CCDC3: variants seen among roughly 807,000 people sequenced by gnomAD.
CCDC3 encodes the protein coiled-coil domain-containing protein 3.
In CCDC3, 24 loss-of-function variants were observed where a neutral mutation model predicts 21.4. That is an observed-to-expected ratio of 1.12 (90% CI 0.81 to 1.58). The LOEUF is 1.58. Among genes scored for constraint, CCDC3 ranks in the 40% most tolerant of loss-of-function variants. The probability of loss-of-function intolerance (pLI) is 0.00; values close to 1 mark genes in which losing one functional copy is unlikely to be tolerated. For synonymous variants in CCDC3, 186 were observed against 166.0 expected (o/e 1.12, Z -0.93); for missense variants, 425 against 360.9 (o/e 1.18, Z -1.44).
chr10:13,097,975 A>T (rs1486422775), intron 3 of CCDC3, among the ~76,000 whole-genome samples: 3 of 152,174 alleles, frequency 2.0e-5, no homozygotes, highest in Non-Finnish European at 4.4e-5. Context: ...GGTCCTTAGA[A>T]CTTTCTGGAT....
chr10:13,024,851 C>T (rs988718178), intron 5 of CCDC3, among the ~76,000 whole-genome samples: 6 of 152,182 alleles, frequency 3.9e-5, no homozygotes, highest in African/African-American at 1.4e-4. Flanking sequence ...TCTGCCAATA[C>T]ATAACTTGGG....
At chr10:12,937,823 G>A (rs1486602901) in intron 2 of CCDC3, among the ~76,000 whole-genome samples, 1 of 152,160 alleles carries the variant, frequency 6.6e-6, no homozygotes, top group East Asian at 1.9e-4. Flanking sequence ...CCTTACAAGA[G>A]TACTTCTCCA....
intron 5 of CCDC3, among the ~76,000 whole-genome samples, chr10:13,010,241 C>A (rs1050499050): frequency 1.3e-5 from 2 of 150,654 alleles, no homozygotes; most frequent in Non-Finnish European, 2.9e-5. Context: ...GAGCAAGACT[C>A]CATTTCAAAA....
In CCDC3 at chr10:12,982,850, C is replaced by T. The variant is rs866940569; in HGVS notation, c.549+15488G>A. ...CCTCTATGCAGGGCACAATGGCTCA[C>T]GCCTTTAATAACAGCACTTTGGGTG... is the stretch of plus-strand genomic sequence containing the variant. On this transcript the variant is annotated intron_variant, in intron 2 of 2. Transcript: ENST00000378825. Among the ~76,000 whole-genome samples, 5 of 147,560 alleles carry T rather than the reference C, an allele frequency of 3.4e-5. No individual in the cohort carries two copies. The East Asian group carries it at 8.0e-4, about 24-fold the overall frequency.
chr10:13,048,533 C>G (rs184549167), intron 5 of CCDC3, among the ~76,000 whole-genome samples: 10 of 152,236 alleles, frequency 6.6e-5, no homozygotes, highest in African/African-American at 2.2e-4. Context: ...TTGCACTTTA[C>G]GGATTCTGTT....
intron 4 of CCDC3, among the ~76,000 whole-genome samples, chr10:13,065,612 C>T (rs1467014980): frequency 6.6e-6 from 1 of 152,186 alleles, no homozygotes; most frequent in Non-Finnish European, 1.5e-5. Context: ...TCCTTCTCTT[C>T]GATATCCTGC....
intron 4 of CCDC3, among the ~76,000 whole-genome samples, chr10:13,072,777 T>C (rs1836899559): frequency 6.6e-6 from 1 of 152,174 alleles, no homozygotes; most frequent in South Asian, 2.1e-4. Flanking sequence ...TGAACCCAGT[T>C]TTAGCTGAAC....
chr10:13,071,435 A>T (rs1243472876), intron 4 of CCDC3, among the ~76,000 whole-genome samples: 1 of 152,248 alleles, frequency 6.6e-6, no homozygotes, highest in Non-Finnish European at 1.5e-5. Context: ...GAGCATGACT[A>T]ATTCCTGCTG....
At chr10:13,020,637 G>A (rs748787697) in intron 5 of CCDC3, among the ~76,000 whole-genome samples, 7 of 152,052 alleles carry the variant, frequency 4.6e-5, no homozygotes, top group Non-Finnish European at 5.9e-5. Flanking sequence ...GATTTTTAAG[G>A]AATGTACAGA....
intron 5 of CCDC3, among the ~76,000 whole-genome samples, chr10:13,020,306 C>T (rs555377836): frequency 2.0e-5 from 3 of 152,146 alleles, no homozygotes; most frequent in Non-Finnish European, 4.4e-5. Context: ...CCCATGAATT[C>T]TAAATTGTCA....
intron 2 of CCDC3, among the ~76,000 whole-genome samples, chr10:12,957,506 G>A (rs534741367): frequency 5.5e-4 from 84 of 152,320 alleles, no homozygotes; most frequent in South Asian, 2.3e-3. Context: ...TGTTCCTGCC[G>A]CAGTCTCACG....
intron 5 of CCDC3, among the ~76,000 whole-genome samples, chr10:13,039,816 G>C (rs943760903): frequency 1.3e-5 from 2 of 151,692 alleles, no homozygotes; most frequent in Admixed American, 1.3e-4. Flanking sequence ...TTGGAAATGC[G>C]GGAGAGGTGG....
chr10:12,971,923 G>A (rs142151526), intron 2 of CCDC3, among the ~76,000 whole-genome samples: 4 of 151,940 alleles, frequency 2.6e-5, no homozygotes, highest in East Asian at 3.9e-4. Context: ...TCCTGACCTC[G>A]TGATCTGACC....
chr10:12,952,996 G>A (rs1382044325), intron 2 of CCDC3, among the ~76,000 whole-genome samples: 1 of 152,198 alleles, frequency 6.6e-6, no homozygotes, highest in African/African-American at 2.4e-5. Context: ...AAGGAAGGGA[G>A]GGAGGGGTAA....
At chr10:13,044,545 T>G (rs1029514659) in intron 5 of CCDC3, among the ~76,000 whole-genome samples, 4 of 152,194 alleles carry the variant, frequency 2.6e-5, no homozygotes, top group Admixed American at 2.0e-4. Context: ...AAGGATCCAG[T>G]TTCATTCTTC....
At chr10:12,989,472 A>G (rs925331946) in intron 2 of CCDC3, among the ~76,000 whole-genome samples, 1 of 152,104 alleles carries the variant, frequency 6.6e-6, no homozygotes, top group African/African-American at 2.4e-5. Flanking sequence ...CCCAAGCTGG[A>G]GTGTAATGGC....
At chr10:12,934,955 A>T (rs1398646966) in intron 2 of CCDC3, among the ~76,000 whole-genome samples, 1 of 151,700 alleles carries the variant, frequency 6.6e-6, no homozygotes, top group Non-Finnish European at 1.5e-5. Flanking sequence ...CCCACACTGG[A>T]GTCCATTGGT....
chr10:12,919,732 G>A (rs1196021928), intron 2 of CCDC3, among the ~76,000 whole-genome samples: 1 of 144,040 alleles, frequency 6.9e-6, no homozygotes, highest in Non-Finnish European at 1.5e-5. Context: ...CAGACTTGTG[G>A]CCCCACAGAG....
intron 5 of CCDC3, among the ~76,000 whole-genome samples, chr10:13,032,782 A>G (rs1051085233): frequency 6.6e-6 from 1 of 152,206 alleles, no homozygotes; most frequent in Non-Finnish European, 1.5e-5. Context: ...TCCAACTTAC[A>G]AGGGATGTGA....
Sources: allele counts gnomAD v4.1 joint callset (sites outside exome capture counted in the v4.1 genomes callset), GRCh38; gene constraint gnomAD v4.1.1; transcripts MANE v1.5; gene names NCBI Gene and HGNC (gene_info 2026-07-23, HGNC 2026-07-21).